RBM47: variants seen among roughly 807,000 people sequenced by gnomAD.
RBM47 encodes RNA binding motif protein 47, also known as RNA-binding protein 47.
RBM47 carries 21 observed loss-of-function variants against 47.1 expected under a neutral mutation model. That is an observed-to-expected ratio of 0.45 (90% CI 0.32 to 0.64). RBM47 has a LOEUF of 0.64. Among genes scored for constraint, RBM47 ranks in the 30% least tolerant of loss-of-function variants. The pLI is 0.05. For synonymous variants in RBM47, 375 were observed against 361.7 expected, an observed-to-expected ratio of 1.04 and a Z score of -0.42; for missense variants, 708 against 870.9, an observed-to-expected ratio of 0.81 and a Z score of 2.35.
rs34816341 is a variant in RBM47, at chr4:40,577,590, T to A, written c.-239-33084A>T. 2.4e-3 allele frequency among the ~76,000 whole-genome samples: 370 copies of A among 152,166 alleles called. 1 individual carries two copies. The highest frequency in any genetic ancestry group is 8.7e-3 in the African/African-American group (360 of 41,508). Reference sequence around the variant, plus strand: ...TCTGCTATTTATTCCCTGTTCCAATTTTTTTAAAAATCCTGTTTTCCCTTT... The same window carrying A: ...TCTGCTATTTATTCCCTGTTCCAATATTTTTAAAAATCCTGTTTTCCCTTT... On this transcript the variant is annotated intron_variant, in intron 1 of 6. Transcript: ENST00000295971.
rs185593563 is a variant in RBM47 at position 40,441,746 on chromosome 4, C to T, written c.-31-2822G>A. On this transcript the variant is annotated intron_variant, in intron 3 of 6. Coordinates refer to ENST00000295971, the MANE Select transcript of RBM47 (RefSeq NM_001098634.2). ...AAACAGTCTTACAGTAGTCAGGCTA[C>T]GGAGTCATTGCCAATTCCAACCCCA... Among the ~76,000 whole-genome samples the T allele has an allele frequency of 6.5e-4, 99 of 152,324 alleles. 1 individual carries two copies. The highest frequency in any genetic ancestry group is 2.2e-3 in the African/African-American group (90 of 41,580).
chr4:40,586,140 C>T (rs1329112205), intron 1 of RBM47, among the ~76,000 whole-genome samples: 1 of 152,086 alleles, frequency 6.6e-6, no homozygotes, highest in East Asian at 1.9e-4. Context: ...GCATAAATCC[C>T]CCCACCCTCA....
intron 5 of RBM47, among the ~76,000 whole-genome samples, chr4:40,436,048 T>A (rs1280319226): frequency 6.7e-6 from 1 of 149,092 alleles, no homozygotes; most frequent in Non-Finnish European, 1.5e-5. Flanking sequence ...GGTGGGCACC[T>A]GTAGTCCCAG....
chr4:40,548,098 C>T (rs1272124211), intron 1 of RBM47, among the ~76,000 whole-genome samples: 1 of 152,212 alleles, frequency 6.6e-6, no homozygotes, highest in African/African-American at 2.4e-5. Flanking sequence ...AACAACGTGA[C>T]ACCAGCTCTA....
chr4:40,507,901 T>C (rs756442720), intron 2 of RBM47, among the ~76,000 whole-genome samples: 66 of 149,426 alleles, frequency 4.4e-4, no homozygotes, highest in Non-Finnish European at 2.8e-4. Context: ...CAACAGAAGA[T>C]AGAAAAGTCT....
chr4:40,545,158 TCTC>T (rs1728903317), intron 1 of RBM47, among the ~76,000 whole-genome samples: 1 of 150,330 alleles, frequency 6.7e-6, no homozygotes, highest in African/African-American at 2.4e-5. Flanking sequence ...TTCAAGCAAT[TCTC>T]CTGCCTCAGC....
chr4:40,545,347 G>A (rs1262582807), intron 1 of RBM47, among the ~76,000 whole-genome samples: 2 of 141,142 alleles, frequency 1.4e-5, no homozygotes, highest in African/African-American at 5.0e-5. Flanking sequence ...CACGGCGCCC[G>A]GCCTGAGATC....
rs528236428 is a variant in RBM47 at position 40,465,946 on chromosome 4, A to G, written c.-32+631T>C. 2.6e-5 allele frequency among the ~76,000 whole-genome samples: 4 copies of G among 152,248 alleles called. No individual in the cohort carries two copies. The East Asian group carries it at 7.7e-4, about 29-fold the overall frequency. ...TGTACCAAGAACCCAGCCTCGTGTC[A>G]CACAATCAAAATACAGTCTGACTGA... On this transcript the variant is annotated intron_variant, in intron 3 of 6. Coordinates refer to ENST00000295971, the MANE Select transcript of RBM47 (RefSeq NM_001098634.2).
chr4:40,489,211 G>A (rs183851988), intron 2 of RBM47, among the ~76,000 whole-genome samples: 3 of 152,198 alleles, frequency 2.0e-5, no homozygotes, highest in Admixed American at 2.0e-4. Flanking sequence ...ATGGAGCTTG[G>A]GGGAATGGAG....
At chr4:40,504,235 T>C (rs1322962864) in intron 2 of RBM47, among the ~76,000 whole-genome samples, 1 of 151,936 alleles carries the variant, frequency 6.6e-6, no homozygotes, top group Non-Finnish European at 1.5e-5. Flanking sequence ...CAGGCATGTA[T>C]GAATAAGCTG....
intron 1 of RBM47, among the ~76,000 whole-genome samples, chr4:40,579,989 C>A (rs1732728498): frequency 6.6e-6 from 1 of 152,038 alleles, no homozygotes; most frequent in Non-Finnish European, 1.5e-5. Flanking sequence ...AACTCCTGGG[C>A]TCAAGGGATC....
chr4:40,555,488 G>A (rs752669006), intron 1 of RBM47, among the ~76,000 whole-genome samples: 22 of 152,226 alleles, frequency 1.4e-4, no homozygotes, highest in Non-Finnish European at 2.5e-4. Context: ...TGCCTGAGAT[G>A]AGTGGTATTA....
chr4:40,578,458 AT>A (rs543256149), intron 1 of RBM47, among the ~76,000 whole-genome samples: 31 of 152,328 alleles, frequency 2.0e-4, no homozygotes, highest in African/African-American at 7.0e-4. Context: ...ATTTGTTGCA[AT>A]TTTGTCTTTT....
In RBM47 at chr4:40,453,235, T is replaced by TA. The variant is rs1299908810; in HGVS notation, c.-32+13341dup. Among the ~76,000 whole-genome samples, 9 of 152,220 alleles carry TA rather than the reference T, an allele frequency of 5.9e-5. No homozygotes were observed. In the East Asian group the frequency reaches 1.5e-3, roughly 26 times the overall value. On this transcript the variant is annotated intron_variant, in intron 3 of 6. Coordinates refer to ENST00000295971, the MANE Select transcript of RBM47 (RefSeq NM_001098634.2). ...TGCTAGAAATGGGTGGGAGGGAACA[T>TA]AAAAAACCATATAAGATTGTTCAGC...
chr4:40,609,842 C>A (rs1488902519), intron 1 of RBM47, among the ~76,000 whole-genome samples: 1 of 151,828 alleles, frequency 6.6e-6, no homozygotes, highest in Non-Finnish European at 1.5e-5. Flanking sequence ...CACCTGTAAT[C>A]CCAGCATTTT....
chr4:40,535,371 C>CTTTTTTTTTTTTTTTTTTTTTTTTTT (rs1177127352), intron 2 of RBM47, among the ~76,000 whole-genome samples: 6 of 103,432 alleles, frequency 5.8e-5, no homozygotes, highest in Admixed American at 1.1e-4. Flanking sequence ...TATGGTATTT[C>CTTTTTTTTTTTTTTTTTTTTTTTTTT]TTTTTTTTTT....
chr4:40,622,395 T>C (rs1737345874), intron 1 of RBM47, among the ~76,000 whole-genome samples: 1 of 152,164 alleles, frequency 6.6e-6, no homozygotes, highest in African/African-American at 2.4e-5. Context: ...CCCTGTGGTA[T>C]GAATGTGCTG....
chr4:40,432,201 TTTACACACACACAC>T (rs1481810940), intron 6 of RBM47, among the ~76,000 whole-genome samples: 1 of 103,430 alleles, frequency 9.7e-6, no homozygotes, highest in Admixed American at 1.1e-4. Flanking sequence ...TCTCTCTCTC[TTTACACACACACAC>T]ACACACACAC....
rs376179547 is a variant in RBM47, at chr4:40,528,823, G to T, written c.-155+15599C>A. On this transcript the variant is annotated intron_variant, in intron 2 of 6. Coordinates refer to ENST00000295971, the MANE Select transcript of RBM47 (RefSeq NM_001098634.2). ...CTGGGCATGGTGGCATGCGCCTGTGGCCATAGCTACTTAGGAGGCTAAGGC... is the reference window on the plus strand; with the variant it reads ...CTGGGCATGGTGGCATGCGCCTGTGTCCATAGCTACTTAGGAGGCTAAGGC... 3.6e-4 allele frequency among the ~76,000 whole-genome samples: 54 copies of T among 150,850 alleles called. No homozygotes were observed. In the East Asian group the frequency reaches 9.6e-3, roughly 27 times the overall value.
Sources: allele counts gnomAD v4.1 joint callset (sites outside exome capture counted in the v4.1 genomes callset), GRCh38; gene constraint gnomAD v4.1.1; transcripts MANE v1.5; gene names NCBI Gene and HGNC (gene_info 2026-07-23, HGNC 2026-07-21).